E2F5: variants seen among roughly 807,000 people sequenced by gnomAD.
E2F5 encodes the protein E2F transcription factor 5, also known as transcription factor E2F5.
In E2F5, 23 loss-of-function variants were observed where a neutral mutation model predicts 39.1. The observed-to-expected ratio is 0.59, with a 90% CI of 0.42 to 0.83. The LOEUF is 0.83. Ranked by LOEUF, E2F5 falls within the 40% of genes least tolerant of loss-of-function variation. The probability of loss-of-function intolerance (pLI) is 0.00; values close to 1 mark genes in which losing one functional copy is unlikely to be tolerated. For missense variants in E2F5, 365 were observed against 406.7 expected, an observed-to-expected ratio of 0.90 and a Z score of 0.88; for synonymous variants, 145 against 157.8, an observed-to-expected ratio of 0.92 and a Z score of 0.61.
At chr8:85,188,827 C>G (rs1209621857) in intron 1 of E2F5, among the ~76,000 whole-genome samples, 1 of 152,140 alleles carries the variant, frequency 6.6e-6, no homozygotes, top group African/African-American at 2.4e-5. Flanking sequence ...TATGGTGTCT[C>G]TCTCCTTGCT....
chr8:85,206,433 G>A (rs1395121020), intron 4 of E2F5, among the ~76,000 whole-genome samples: 1 of 152,172 alleles, frequency 6.6e-6, no homozygotes, highest in Non-Finnish European at 1.5e-5. Flanking sequence ...AGCTCCACTG[G>A]TAGGGATCAA....
chr8:85,195,996 A>C lies in E2F5; in HGVS notation c.235-6151A>C, dbSNP rs569024937. Among the ~76,000 whole-genome samples, 6 of 152,216 alleles carry C rather than the reference A, an allele frequency of 3.9e-5. No individual in the cohort carries two copies. In the East Asian group the frequency reaches 1.2e-3, roughly 29 times the overall value. The stretch of plus-strand genomic sequence containing the variant: ...TTTCCTTTTTTAAAAGTTTATACAA[A>C]GTTTATTAAAAATTTTTTTTTAAAA... On this transcript the variant is annotated intron_variant, in intron 1 of 7. Transcript: ENST00000416274.
chr8:85,204,189 T>A (rs1297615375), intron 3 of E2F5, among the ~76,000 whole-genome samples: 6 of 152,174 alleles, frequency 3.9e-5, no homozygotes, highest in Non-Finnish European at 8.8e-5. Flanking sequence ...GCCATTAATC[T>A]ATTTTATCTT....
intron 3 of E2F5, 102 bp downstream of exon 3, chr8:85,203,357 G>C: frequency 1.1e-6 from 1 of 913,726 alleles, no homozygotes; most frequent in Non-Finnish European, 1.5e-6. Context: ...AGACAGTTAA[G>C]TTTTATAAGT....
At position 85,213,894 on chromosome 8, in the gene E2F5, TCTAA is replaced by T. The variant is rs575640299; in HGVS notation, c.*35_*38del. The T allele has an allele frequency of 6.1e-4, 762 of 1,249,544 alleles. 1 individual carries two copies. Among genetic ancestry groups the T allele is most frequent in the Middle Eastern group, 8.9e-4 (4 of 4,472 alleles). The allele number at this position is 1,249,544 out of a possible 1,614,324, so 77.4% of individuals were successfully genotyped here. ...TGGAAACTTGGGACTGTTATCTACC[TCTAA>T]CTGTGTAACATTTTAGACTTCTTAA... On this transcript the variant is annotated 3_prime_UTR_variant, in exon 8 of 8. Transcript: ENST00000416274.
intron 1 of E2F5, 50 bp downstream of exon 1, chr8:85,177,704 CG>C: frequency 8.2e-7 from 1 of 1,215,832 alleles, no homozygotes; most frequent in Non-Finnish European, 1.0e-6. Context: ...CCGTGGCCCC[CG>C]GGGAAGCCCA....
intron 3 of E2F5, among the ~76,000 whole-genome samples, chr8:85,203,749 A>G (rs1306890980): frequency 6.6e-6 from 1 of 150,890 alleles, no homozygotes. Context: ...ACTGGAGAAC[A>G]GGGGTCTAAG....
intron 1 of E2F5, among the ~76,000 whole-genome samples, chr8:85,190,275 CTG>C (rs1812432312): frequency 6.6e-6 from 1 of 152,032 alleles, no homozygotes; most frequent in African/African-American, 2.4e-5. Flanking sequence ...ACCACCACCA[CTG>C]CACCACACAT....
At chr8:85,188,160 T>C (rs895610427) in intron 1 of E2F5, among the ~76,000 whole-genome samples, 2 of 152,184 alleles carry the variant, frequency 1.3e-5, no homozygotes, top group African/African-American at 4.8e-5. Flanking sequence ...GCAGCTACTA[T>C]GATTTTTAAT....
At chr8:85,179,760 CG>C (rs1812159388) in intron 1 of E2F5, among the ~76,000 whole-genome samples, 1 of 149,242 alleles carries the variant, frequency 6.7e-6, no homozygotes, top group Non-Finnish European at 1.5e-5. Context: ...CCCGGGTTCA[CG>C]CCATTCTCCT....
chr8:85,183,538 G>A (rs916994458), intron 1 of E2F5, among the ~76,000 whole-genome samples: 1 of 152,052 alleles, frequency 6.6e-6, no homozygotes, highest in African/African-American at 2.4e-5. Context: ...AACAAAATGT[G>A]GTATATATAC....
chr8:85,212,108 A>G, intron 6 of E2F5, 49 bp from the exon 7 acceptor site: 1 of 1,425,236 alleles, frequency 7.0e-7, no homozygotes, highest in Non-Finnish European at 9.9e-7. Flanking sequence ...AAATATGAGT[A>G]TCTTTTACTG....
In E2F5 at chr8:85,177,322, G is replaced by A; in HGVS notation, c.-99G>A. 1.1e-6 allele frequency: 1 copy of A among 938,066 alleles called. No homozygotes were observed. The highest frequency in any genetic ancestry group is 5.4e-4 in the Middle Eastern group (1 of 1,842). The allele number at this position is 938,066 out of a possible 1,614,324, so 58.1% of individuals were successfully genotyped here. On this transcript the variant is annotated 5_prime_UTR_variant, in exon 1 of 8. Coordinates refer to ENST00000416274, the MANE Select transcript of E2F5 (RefSeq NM_001951.4). ...ACCCGCACTACCGCTCTCGGCGGGC[G>A]GGGAAGCGGCCGCAGCGGAGCCGAC...
intron 1 of E2F5, among the ~76,000 whole-genome samples, chr8:85,179,497 C>G (rs981581705): frequency 3.3e-5 from 5 of 152,106 alleles, no homozygotes; most frequent in Admixed American, 2.0e-4. Flanking sequence ...CCTAAAAATT[C>G]AAAGGTTTCT....
At chr8:85,195,123 G>A (rs1812553773) in intron 1 of E2F5, among the ~76,000 whole-genome samples, 3 of 151,852 alleles carry the variant, frequency 2.0e-5, no homozygotes, top group African/African-American at 7.3e-5. Context: ...AGTGGCTTAC[G>A]TCTGTAATCC....
chr8:85,205,134 G>A (rs943420533), intron 3 of E2F5, among the ~76,000 whole-genome samples: 2 of 152,128 alleles, frequency 1.3e-5, no homozygotes, highest in Non-Finnish European at 2.9e-5. Context: ...AGTGAGCCAA[G>A]ATCACACTAC....
At chr8:85,186,749 T>TAC (rs1278206366) in intron 1 of E2F5, among the ~76,000 whole-genome samples, 1 of 147,758 alleles carries the variant, frequency 6.8e-6, no homozygotes, top group Non-Finnish European at 1.5e-5. Flanking sequence ...GGTATATATA[T>TAC]GGTATATATA....
chr8:85,208,599 G>C lies in E2F5; in HGVS notation c.616-543G>C, dbSNP rs375262785. Among the ~76,000 whole-genome samples the C allele has an allele frequency of 9.2e-5, 14 of 152,136 alleles. 1 individual carries two copies. In the East Asian group the frequency reaches 1.9e-3, roughly 21 times the overall value. On this transcript the variant is annotated intron_variant, in intron 5 of 7. Transcript: ENST00000416274. ...TATTATCTACCTCCTTCCCCCACCC[G>C]CTTATTAAAAAAGTTTACATTTAGG...
chr8:85,210,328 C>G (rs1016959946), intron 6 of E2F5, among the ~76,000 whole-genome samples: 1 of 152,230 alleles, frequency 6.6e-6, no homozygotes, highest in African/African-American at 2.4e-5. Context: ...CACATCTATT[C>G]CTTTCTTTCC....
Sources: gnomAD v4.1 joint callset for allele counts (sites outside exome capture counted in the v4.1 genomes callset) on GRCh38, gnomAD v4.1.1 for gene constraint, MANE v1.5 for transcripts, NCBI Gene and HGNC (gene_info 2026-07-23, HGNC 2026-07-21) for gene names.